KCNMA1: variants seen among roughly 807,000 people sequenced by gnomAD.
KCNMA1 encodes Calcium-activated potassium channel subunit alpha-1.
In KCNMA1, 29 loss-of-function variants were observed where a neutral mutation model predicts 140.0. That is an observed-to-expected ratio of 0.21 (90% CI 0.15 to 0.28). KCNMA1 has a LOEUF of 0.28. Among genes scored for constraint, KCNMA1 ranks in the 10% least tolerant of loss-of-function variants. The pLI, the probability that KCNMA1 is intolerant of heterozygous loss-of-function variation, is 1.00. For synonymous variants in KCNMA1, 612 were observed against 611.9 expected (o/e 1.00, Z 0.00); for missense variants, 880 against 1,602.2 (o/e 0.55, Z 7.70).
chr10:76,953,949 C>A (rs766703400), intron 20 of KCNMA1, 25 bp from the exon 21 acceptor site: 1 of 1,613,336 alleles, frequency 6.2e-7, no homozygotes, highest in Admixed American at 1.7e-5. Flanking sequence ...ACAGGAAAAC[C>A]TAAGTGGAAA....
chr10:77,171,400 C>CGTGTGTGTGTGTGCGT (rs2098706038), intron 5 of KCNMA1, among the ~76,000 whole-genome samples: 1 of 128,932 alleles, frequency 7.8e-6, no homozygotes, highest in East Asian at 2.0e-4. Flanking sequence ...TGTGTGTGTG[C>CGTGTGTGTGTGTGCGT]GTGTGTGTGT....
intron 2 of KCNMA1, among the ~76,000 whole-genome samples, chr10:77,314,518 G>C (rs565676331): frequency 5.3e-5 from 8 of 152,270 alleles, no homozygotes; most frequent in African/African-American, 1.2e-4. Flanking sequence ...GAATGGCTTG[G>C]AGAAGAGCAG....
intron 2 of KCNMA1, among the ~76,000 whole-genome samples, chr10:77,276,876 C>T (rs1454198541): frequency 1.3e-5 from 2 of 151,808 alleles, no homozygotes; most frequent in Non-Finnish European, 2.9e-5. Context: ...CTTATATTTC[C>T]CCATTTAATC....
At chr10:77,039,491 C>T in intron 15 of KCNMA1, 37 bp downstream of exon 15, 2 of 1,258,396 alleles carry the variant, frequency 1.6e-6, no homozygotes, top group Non-Finnish European at 2.3e-6. Context: ...TTCAATATCC[C>T]TGAAAGCCAA....
At chr10:77,471,245 TACACACACAACGCACATACA>T (rs2098142640) in intron 1 of KCNMA1, among the ~76,000 whole-genome samples, 1 of 139,108 alleles carries the variant, frequency 7.2e-6, no homozygotes, top group East Asian at 2.2e-4. Context: ...CAACTCACAC[TACACACACAACGCACATACA>T]ACACACAATA....
intron 18 of KCNMA1, among the ~76,000 whole-genome samples, chr10:77,002,869 A>T (rs537544654): frequency 3.3e-5 from 5 of 152,296 alleles, no homozygotes; most frequent in African/African-American, 9.6e-5. Context: ...CAAATGGTAA[A>T]CCTAAACTGA....
chr10:77,303,319 C>T (rs918820424), intron 2 of KCNMA1, among the ~76,000 whole-genome samples: 1 of 152,080 alleles, frequency 6.6e-6, no homozygotes, highest in Non-Finnish European at 1.5e-5. Context: ...TCAGGGTCCA[C>T]TCACTTATGC....
intron 19 of KCNMA1, among the ~76,000 whole-genome samples, chr10:76,997,422 T>C (rs1013817989): frequency 1.3e-4 from 20 of 152,378 alleles, no homozygotes; most frequent in African/African-American, 4.1e-4. Flanking sequence ...CAAGTGCAAG[T>C]CTAAAGGTCT....
intron 3 of KCNMA1, 101 bp from the exon 4 acceptor site, chr10:77,185,017 A>C: frequency 1.3e-6 from 1 of 788,114 alleles, no homozygotes; most frequent in East Asian, 2.5e-5. Context: ...TAGACGATGA[A>C]ATGAATATTC....
intron 1 of KCNMA1, among the ~76,000 whole-genome samples, chr10:77,490,547 G>A (rs1268863356): frequency 1.3e-5 from 2 of 152,200 alleles, no homozygotes; most frequent in Non-Finnish European, 2.9e-5. Context: ...TACTACTAAC[G>A]ATAGAGTGTG....
intron 19 of KCNMA1, among the ~76,000 whole-genome samples, chr10:76,990,807 C>T (rs1260546740): frequency 1.3e-5 from 2 of 152,178 alleles, no homozygotes; most frequent in Non-Finnish European, 2.9e-5. Flanking sequence ...TCAGCCTTGA[C>T]AAAATGCAGA....
chr10:77,031,324 C>T (rs2093924127), intron 15 of KCNMA1, among the ~76,000 whole-genome samples: 1 of 152,210 alleles, frequency 6.6e-6, no homozygotes, highest in South Asian at 2.1e-4. Context: ...GCACCACATT[C>T]CACATGCTAA....
chr10:77,181,576 G>A (rs1785576248), intron 5 of KCNMA1, among the ~76,000 whole-genome samples: 1 of 152,092 alleles, frequency 6.6e-6, no homozygotes, highest in Admixed American at 6.5e-5. Flanking sequence ...AAAAACAACA[G>A]GCTAGGTAAA....
At chr10:77,369,018 A>G (rs1381525718) in intron 2 of KCNMA1, among the ~76,000 whole-genome samples, 1 of 152,178 alleles carries the variant, frequency 6.6e-6, no homozygotes, top group African/African-American at 2.4e-5. Flanking sequence ...TATTTTACCT[A>G]TTCTAGTTGC....
intron 2 of KCNMA1, among the ~76,000 whole-genome samples, chr10:77,255,756 A>G (rs2060595718): frequency 1.3e-5 from 2 of 152,028 alleles, no homozygotes; most frequent in African/African-American, 2.4e-5. Flanking sequence ...TACTAAAAAT[A>G]TAAAAAGTTA....
chr10:77,215,906 C>CCTCTCTCT (rs144962422), intron 3 of KCNMA1, among the ~76,000 whole-genome samples: 22 of 139,098 alleles, frequency 1.6e-4, no homozygotes, highest in Middle Eastern at 3.7e-3. Context: ...TCTCCTCTCT[C>CCTCTCTCT]CTCTCTCTCT....
At chr10:77,273,131 G>C (rs922031541) in intron 2 of KCNMA1, among the ~76,000 whole-genome samples, 6 of 152,184 alleles carry the variant, frequency 3.9e-5, no homozygotes, top group East Asian at 1.9e-4. Flanking sequence ...TAAGGTAGCT[G>C]TAAATAAGTC....
At chr10:77,290,579 A>G (rs2154309555) in intron 2 of KCNMA1, among the ~76,000 whole-genome samples, 2 of 152,304 alleles carry the variant, frequency 1.3e-5, no homozygotes, top group Middle Eastern at 3.4e-3. Context: ...ACGTGCACAG[A>G]CCCATAATTG....
intron 2 of KCNMA1, among the ~76,000 whole-genome samples, chr10:77,388,792 G>T (rs544603392): frequency 2.0e-5 from 3 of 152,024 alleles, no homozygotes; most frequent in African/African-American, 7.3e-5. Context: ...TCTCAGCCCC[G>T]GGAAGAGGAA....
Sources: gnomAD v4.1 joint callset for allele counts (sites outside exome capture counted in the v4.1 genomes callset) on GRCh38, gnomAD v4.1.1 for gene constraint, MANE v1.5 for transcripts, NCBI Gene and HGNC (gene_info 2026-07-23, HGNC 2026-07-21) for gene names.